Variants in FSTL5 observed in about 807,000 individuals in gnomAD.
The protein encoded by FSTL5 is follistatin-related protein 5.
Under a neutral mutation model 89.1 loss-of-function variants are expected in FSTL5, and 62 were observed. The observed-to-expected ratio is 0.70, with a 90% CI of 0.57 to 0.86. The LOEUF is 0.86. Ranked by LOEUF, FSTL5 falls within the 40% of genes least tolerant of loss-of-function variation. The pLI, the probability that FSTL5 is intolerant of heterozygous loss-of-function variation, is 0.00. For missense variants in FSTL5, 1,057 were observed against 1,001.6 expected, an observed-to-expected ratio of 1.06 and a Z score of -0.75; for synonymous variants, 383 against 346.2, an observed-to-expected ratio of 1.11 and a Z score of -1.18.
chr4:161,764,012 C>T (rs922607103), intron 5 of FSTL5, among the ~76,000 whole-genome samples: 10 of 151,934 alleles, frequency 6.6e-5, no homozygotes, highest in East Asian at 5.8e-4. Context: ...TCAACCAACA[C>T]GTGCCCAAAA....
chr4:161,808,390 C>A (rs1391572392), intron 4 of FSTL5, among the ~76,000 whole-genome samples: 1 of 152,108 alleles, frequency 6.6e-6, no homozygotes, highest in Non-Finnish European at 1.5e-5. Context: ...AGTGTACACT[C>A]ATGTTCATAG....
At chr4:162,001,582 G>A (rs529937679) in intron 3 of FSTL5, among the ~76,000 whole-genome samples, 93 of 145,022 alleles carry the variant, frequency 6.4e-4, no homozygotes, top group Middle Eastern at 7.0e-3. Flanking sequence ...AGTGCCTTCT[G>A]CTAAGGATAC....
At chr4:161,959,162 G>T (rs535440075) in intron 3 of FSTL5, among the ~76,000 whole-genome samples, 4 of 152,182 alleles carry the variant, frequency 2.6e-5, no homozygotes, top group South Asian at 2.1e-4. Flanking sequence ...TTAGGAGAAA[G>T]AATATATTCC....
chr4:161,977,734 G>T lies in FSTL5; in HGVS notation c.160+55891C>A, dbSNP rs568023906. On this transcript the variant is annotated intron_variant, in intron 3 of 15. Transcript: ENST00000306100. ...TCAAGTTATTTTGAGCCCATCATGG[G>T]ATTGGCAACAAGAAATTGGAATTCA... Among the ~76,000 whole-genome samples, 9 of 150,586 alleles carry T rather than the reference G, an allele frequency of 6.0e-5. No homozygotes were observed. In the South Asian group the frequency reaches 1.7e-3, roughly 28 times the overall value.
intron 3 of FSTL5, among the ~76,000 whole-genome samples, chr4:161,991,200 T>A (rs1736100022): frequency 1.3e-5 from 2 of 152,230 alleles, no homozygotes; most frequent in African/African-American, 4.8e-5. Context: ...TTAATTCACA[T>A]AACTCATTGG....
At chr4:161,830,381 T>C (rs1730807261) in intron 4 of FSTL5, among the ~76,000 whole-genome samples, 1 of 152,098 alleles carries the variant, frequency 6.6e-6, no homozygotes, top group Non-Finnish European at 1.5e-5. Flanking sequence ...ATTGGATTTT[T>C]TAATGAGTGT....
intron 15 of FSTL5, among the ~76,000 whole-genome samples, chr4:161,444,254 T>G (rs1326135316): frequency 6.6e-6 from 1 of 151,898 alleles, no homozygotes; most frequent in Non-Finnish European, 1.5e-5. Flanking sequence ...AACAGATTAA[T>G]GAACAGACTT....
At chr4:161,541,704 C>A (rs1328409351) in intron 9 of FSTL5, among the ~76,000 whole-genome samples, 3 of 151,694 alleles carry the variant, frequency 2.0e-5, no homozygotes, top group African/African-American at 7.3e-5. Flanking sequence ...AATAAAGTGA[C>A]AAAATATGTT....
intron 8 of FSTL5, among the ~76,000 whole-genome samples, chr4:161,576,670 T>A (rs902305408): frequency 1.2e-4 from 18 of 152,194 alleles, no homozygotes; most frequent in Non-Finnish European, 2.4e-4. Flanking sequence ...CTCTCCTTTT[T>A]CAAATTTAAA....
intron 4 of FSTL5, among the ~76,000 whole-genome samples, chr4:161,804,973 G>T (rs1729912631): frequency 6.6e-6 from 1 of 151,954 alleles, no homozygotes; most frequent in Non-Finnish European, 1.5e-5. Context: ...CAGAATACAT[G>T]CTCTTTTGAG....
chr4:161,881,979 C>G (rs1248168720), intron 4 of FSTL5, among the ~76,000 whole-genome samples: 2 of 152,108 alleles, frequency 1.3e-5, no homozygotes, highest in Non-Finnish European at 2.9e-5. Context: ...AAAATGATCT[C>G]AAACTGCAAT....
At chr4:161,831,301 A>C (rs1000534945) in intron 4 of FSTL5, among the ~76,000 whole-genome samples, 1 of 151,896 alleles carries the variant, frequency 6.6e-6, no homozygotes, top group African/African-American at 2.4e-5. Context: ...ATATAATATA[A>C]AATTTTCTTT....
At position 161,783,663 on chromosome 4, in the gene FSTL5, CTCTTTCTTTCTTTCTCTTTCTT is replaced by C. The variant is rs1276327121; in HGVS notation, c.410-7611_410-7590del. ...TTTCTTTCTCTCTCTTTCTTTCTTT[CTCTTTCTTTCTTTCTCTTTCTT>C]TCTTTCTTTCTTTCTTTCTTTCTTT... On this transcript the variant is annotated intron_variant, in intron 4 of 15. Transcript: ENST00000306100. Among the ~76,000 whole-genome samples the C allele has an allele frequency of 6.4e-3, 394 of 61,864 alleles. 28 individuals are homozygous for C. Among genetic ancestry groups the C allele is most frequent in the Non-Finnish European group, 8.9e-3 (279 of 31,320 alleles). The allele number at this position is 61,864 out of a possible 152,430, so 40.6% of individuals were successfully genotyped here.
chr4:161,522,172 C>G (rs1479195753), intron 10 of FSTL5, among the ~76,000 whole-genome samples: 1 of 152,050 alleles, frequency 6.6e-6, no homozygotes, highest in Non-Finnish European at 1.5e-5. Flanking sequence ...GCAGAACAAA[C>G]AACAGATAGC....
intron 15 of FSTL5, among the ~76,000 whole-genome samples, chr4:161,417,257 A>C (rs1040162344): frequency 6.6e-6 from 1 of 152,226 alleles, no homozygotes; most frequent in African/African-American, 2.4e-5. Flanking sequence ...TAGATATTTA[A>C]CTGTTTTTGT....
At chr4:161,611,729 C>G (rs897284354) in intron 7 of FSTL5, among the ~76,000 whole-genome samples, 8 of 152,132 alleles carry the variant, frequency 5.3e-5, no homozygotes, top group Non-Finnish European at 1.2e-4. Context: ...GGAATGTTAC[C>G]TTAGATGCAA....
chr4:161,633,374 T>C (rs2126658485), intron 7 of FSTL5, among the ~76,000 whole-genome samples: 1 of 151,154 alleles, frequency 6.6e-6, no homozygotes, highest in East Asian at 2.0e-4. Flanking sequence ...CAAGTCTCGC[T>C]CTGTCCTCTG....
At chr4:161,448,609 A>G (rs893540435) in intron 15 of FSTL5, among the ~76,000 whole-genome samples, 4 of 152,138 alleles carry the variant, frequency 2.6e-5, no homozygotes, top group Admixed American at 1.3e-4. Context: ...TTATGCCAAA[A>G]TGAGTGCTAT....
At chr4:161,691,074 T>C (rs1031205342) in intron 6 of FSTL5, among the ~76,000 whole-genome samples, 1 of 152,156 alleles carries the variant, frequency 6.6e-6, no homozygotes, top group Non-Finnish European at 1.5e-5. Flanking sequence ...TCTATTTTTT[T>C]CTTTTATCGC....
Sources: gnomAD v4.1 joint callset for allele counts (sites outside exome capture counted in the v4.1 genomes callset) on GRCh38, gnomAD v4.1.1 for gene constraint, MANE v1.5 for transcripts, NCBI Gene and HGNC (gene_info 2026-07-23, HGNC 2026-07-21) for gene names.